Variants in CGNL1 observed in about 807,000 individuals in gnomAD.
The protein encoded by CGNL1 is cingulin-like protein 1.
In CGNL1, 132 loss-of-function variants were observed where a neutral mutation model predicts 141.2. That is an observed-to-expected ratio of 0.93 (90% CI 0.81 to 1.08). The LOEUF (loss-of-function observed/expected upper bound fraction) is 1.08. Ranked by LOEUF, CGNL1 falls within the 50% of genes least tolerant of loss-of-function variation. The pLI, the probability that CGNL1 is intolerant of heterozygous loss-of-function variation, is 0.00. For missense variants in CGNL1, 1,870 were observed against 1,588.6 expected, an observed-to-expected ratio of 1.18 and a Z score of -3.01; for synonymous variants, 690 against 622.1, an observed-to-expected ratio of 1.11 and a Z score of -1.63.
At chr15:57,544,184 G>A (rs1489467604) in intron 15 of CGNL1, among the ~76,000 whole-genome samples, 1 of 152,192 alleles carries the variant, frequency 6.6e-6, no homozygotes, top group African/African-American at 2.4e-5. Context: ...GGTTTATAGG[G>A]CAAGGCAAAG....
chr15:57,502,608 C>T (rs1254965942), intron 8 of CGNL1, among the ~76,000 whole-genome samples: 4 of 152,142 alleles, frequency 2.6e-5, no homozygotes, highest in Non-Finnish European at 4.4e-5. Context: ...ATCTGCCATG[C>T]AGATAATTGC....
chr15:57,408,955 C>T (rs144568841), intron 1 of CGNL1, among the ~76,000 whole-genome samples: 5 of 151,882 alleles, frequency 3.3e-5, no homozygotes, highest in African/African-American at 4.8e-5. Context: ...GCAGGAGAAT[C>T]GCTTGAACTC....
intron 8 of CGNL1, among the ~76,000 whole-genome samples, chr15:57,482,487 G>A (rs1283893210): frequency 3.3e-5 from 5 of 152,154 alleles, no homozygotes; most frequent in African/African-American, 1.2e-4. Context: ...TTTAGTTTGA[G>A]GTTTATTTAT....
rs562982432 is a variant in CGNL1, at chr15:57,447,756, A to C, written c.1804-3744A>C. 4.7e-5 allele frequency among the ~76,000 whole-genome samples: 7 copies of C among 150,308 alleles called. 1 individual carries two copies. The highest frequency in any genetic ancestry group is 1.5e-4 in the African/African-American group (6 of 40,806). ...AGACTCCAATTACATGTATCTTAGA[A>C]ATTTTGATGGTGTTCCTCATATCTC... On this transcript the variant is annotated intron_variant, in intron 4 of 18. Coordinates refer to ENST00000281282, the MANE Select transcript of CGNL1 (RefSeq NM_032866.5).
intron 8 of CGNL1, among the ~76,000 whole-genome samples, chr15:57,499,337 C>A (rs1236239560): frequency 6.8e-6 from 1 of 146,504 alleles, no homozygotes; most frequent in Non-Finnish European, 1.5e-5. Flanking sequence ...CCTCTGGCTT[C>A]CAGGTTCAAG....
At chr15:57,390,155 C>T (rs1477277375) in intron 1 of CGNL1, among the ~76,000 whole-genome samples, 5 of 152,286 alleles carry the variant, frequency 3.3e-5, no homozygotes, top group African/African-American at 1.2e-4. Context: ...GTTCATTTTC[C>T]CCTCGCTCAG....
chr15:57,423,729 G>A (rs1167640876), intron 1 of CGNL1, among the ~76,000 whole-genome samples: 4 of 152,172 alleles, frequency 2.6e-5, no homozygotes, highest in African/African-American at 7.2e-5. Flanking sequence ...CCCCCTGGTC[G>A]CTCCTTCTCA....
chr15:57,541,897 G>C (rs974203563), intron 14 of CGNL1, among the ~76,000 whole-genome samples: 4 of 152,194 alleles, frequency 2.6e-5, no homozygotes, highest in Admixed American at 1.3e-4. Flanking sequence ...TGGACCACCT[G>C]GTACCCCCTC....
chr15:57,423,501 T>G (rs2062938924), intron 1 of CGNL1, among the ~76,000 whole-genome samples: 1 of 152,132 alleles, frequency 6.6e-6, no homozygotes, highest in African/African-American at 2.4e-5. Flanking sequence ...TTTCCTCCAT[T>G]CTTTTGTTAG....
At chr15:57,441,294 T>C (rs1430921578) in intron 3 of CGNL1, among the ~76,000 whole-genome samples, 1 of 152,220 alleles carries the variant, frequency 6.6e-6, no homozygotes, top group East Asian at 1.9e-4. Context: ...AAGAACTGGT[T>C]ATTAGTATCT....
intron 8 of CGNL1, among the ~76,000 whole-genome samples, chr15:57,508,378 A>G (rs775417886): frequency 6.6e-6 from 1 of 152,240 alleles, no homozygotes; most frequent in African/African-American, 2.4e-5. Flanking sequence ...GCTCAACCCC[A>G]TCTTGCCCAA....
chr15:57,427,607 T>A (rs1412777873), intron 1 of CGNL1, among the ~76,000 whole-genome samples: 1 of 152,268 alleles, frequency 6.6e-6, no homozygotes, highest in Non-Finnish European at 1.5e-5. Flanking sequence ...TTTCCCTGAT[T>A]GGATCTGTTG....
intron 9 of CGNL1, among the ~76,000 whole-genome samples, chr15:57,517,815 A>G (rs1253535935): frequency 6.6e-6 from 1 of 152,132 alleles, no homozygotes; most frequent in East Asian, 1.9e-4. Flanking sequence ...TAAAGGTCCC[A>G]CCTTTTCATA....
At chr15:57,517,580 A>G (rs2030913663) in intron 9 of CGNL1, among the ~76,000 whole-genome samples, 1 of 152,232 alleles carries the variant, frequency 6.6e-6, no homozygotes, top group Admixed American at 6.5e-5. Flanking sequence ...TGTATTTCTC[A>G]CAGTTCTGGA....
intron 8 of CGNL1, among the ~76,000 whole-genome samples, chr15:57,472,755 A>G (rs2063598691): frequency 6.6e-6 from 1 of 152,152 alleles, no homozygotes; most frequent in Non-Finnish European, 1.5e-5. Context: ...AATTTATAAC[A>G]TGTGTCTTTG....
In CGNL1 at chr15:57,550,609, G is replaced by A. The variant is rs958614782; in HGVS notation, c.*3119G>A. ...CTCTGCTTTAGGGTATGGTTTGGTC[G>A]CTTTGGTTGTCATGAGAAAGAGACA... On this transcript the variant is annotated 3_prime_UTR_variant, in exon 19 of 19. Coordinates refer to ENST00000281282, the MANE Select transcript of CGNL1 (RefSeq NM_032866.5). The A allele has an allele frequency of 7.2e-5, 11 of 152,564 alleles. No homozygotes were observed. Among genetic ancestry groups the A allele is most frequent in the Admixed American group, 3.3e-4 (5 of 15,278 alleles). The allele number at this position is 152,564 out of a possible 1,614,324, so 9.5% of individuals were successfully genotyped here.
chr15:57,517,996 TAA>T (rs61279417), intron 9 of CGNL1, among the ~76,000 whole-genome samples: 114,113 of 147,268 alleles, frequency 0.77, 45,525 homozygotes, highest in East Asian at 0.91. Flanking sequence ...ATATTTCTAT[TAA>T]AAAAAAAAAA....
intron 8 of CGNL1, among the ~76,000 whole-genome samples, chr15:57,475,524 TG>T (rs2063643365): frequency 6.6e-6 from 1 of 151,404 alleles, no homozygotes; most frequent in African/African-American, 2.4e-5. Context: ...TGTGTGTGTG[TG>T]TGTGTGTGTG....
At chr15:57,413,313 C>A (rs1367270367) in intron 1 of CGNL1, among the ~76,000 whole-genome samples, 1 of 140,852 alleles carries the variant, frequency 7.1e-6, no homozygotes, top group South Asian at 2.6e-4. Flanking sequence ...TGCTCTGTGG[C>A]CTATGCTGGA....
Sources: gnomAD v4.1 joint callset for allele counts (sites outside exome capture counted in the v4.1 genomes callset) on GRCh38, gnomAD v4.1.1 for gene constraint, MANE v1.5 for transcripts, NCBI Gene and HGNC (gene_info 2026-07-23, HGNC 2026-07-21) for gene names.